Variants in ASTN2 observed in about 807,000 individuals in gnomAD.
ASTN2 encodes the protein astrotactin-2.
In ASTN2, 54 loss-of-function variants were observed where a neutral mutation model predicts 139.8. That is an observed-to-expected ratio of 0.39 (90% CI 0.31 to 0.48). The LOEUF is 0.48. Among genes scored for constraint, ASTN2 ranks in the 20% least tolerant of loss-of-function variants. ASTN2 has a pLI of 0.95. For synonymous variants in ASTN2, 756 were observed against 719.5 expected (o/e 1.05, Z -0.81); for missense variants, 1,565 against 1,725.1 (o/e 0.91, Z 1.64).
chr9:117,400,900 AC>A (rs1343599367), intron 1 of ASTN2, among the ~76,000 whole-genome samples: 1 of 152,100 alleles, frequency 6.6e-6, no homozygotes, highest in African/African-American at 2.4e-5. Flanking sequence ...CCACCATATT[AC>A]ACTGCCTCTG....
intron 11 of ASTN2, among the ~76,000 whole-genome samples, chr9:116,832,844 TTGTC>T (rs1225270420): frequency 6.6e-6 from 1 of 152,110 alleles, no homozygotes; most frequent in African/African-American, 2.4e-5. Flanking sequence ...TGAACTATCT[TTGTC>T]TGCTTTTAGT....
At chr9:116,904,661 T>C (rs575721682) in intron 10 of ASTN2, among the ~76,000 whole-genome samples, 19 of 152,314 alleles carry the variant, frequency 1.2e-4, no homozygotes, top group African/African-American at 4.6e-4. Flanking sequence ...CTTGGCATAG[T>C]TGGAGTGCTA....
intron 19 of ASTN2, among the ~76,000 whole-genome samples, chr9:116,527,378 C>G (rs148490632): frequency 3.5e-4 from 54 of 152,124 alleles, no homozygotes; most frequent in African/African-American, 1.3e-3. Context: ...CCTGAATAGA[C>G]TTTTCTCAAA....
intron 13 of ASTN2, among the ~76,000 whole-genome samples, chr9:116,796,841 TCA>T (rs1830704373): frequency 1.3e-5 from 2 of 152,170 alleles, no homozygotes; most frequent in Non-Finnish European, 2.9e-5. Flanking sequence ...AGACAGGATC[TCA>T]CAGTGTCACC....
At chr9:116,620,221 C>T in intron 18 of ASTN2, 89 bp downstream of exon 18, 2 of 1,585,562 alleles carry the variant, frequency 1.3e-6, no homozygotes, top group Non-Finnish European at 1.7e-6. Context: ...ACCTTGGGAG[C>T]AGAAGCAAGT....
At chr9:116,437,651 C>A (rs1847701153) in intron 22 of ASTN2, 3 of 465,306 alleles carry the variant, frequency 6.4e-6, no homozygotes, top group African/African-American at 4.0e-5. Context: ...CTCCCTGAGC[C>A]CTGTGGGAAA....
At chr9:116,736,373 G>C (rs1450271709) in intron 13 of ASTN2, among the ~76,000 whole-genome samples, 1 of 152,190 alleles carries the variant, frequency 6.6e-6, no homozygotes, top group African/African-American at 2.4e-5. Flanking sequence ...CTGGCATAGA[G>C]TCTTTGTTTG....
intron 1 of ASTN2, among the ~76,000 whole-genome samples, chr9:117,302,965 T>C (rs548176914): frequency 2.6e-5 from 4 of 152,334 alleles, no homozygotes; most frequent in Admixed American, 2.6e-4. Flanking sequence ...GTTCAGACCA[T>C]GTCACCTGCC....
rs540287369 is a variant in ASTN2, at chr9:116,673,388, G to T, written c.2807-21595C>A. Among the ~76,000 whole-genome samples the T allele has an allele frequency of 2.6e-5, 4 of 152,294 alleles. No homozygotes were observed. In the South Asian group the frequency reaches 8.3e-4, roughly 32 times the overall value. On this transcript the variant is annotated intron_variant, in intron 16 of 22. Transcript: ENST00000313400. ...TTTTAAAGACAATGAAAGAAAACTA[G>T]AGATCTTCTTTATAAATGAAGAAAA...
rs1831262471 is a variant in ASTN2 at position 117,414,350 on chromosome 9, T to C, written c.442+147A>G. 1 of 1,321,282 alleles carries C rather than the reference T, an allele frequency of 7.6e-7. No individual in the cohort carries two copies. 81.8% of individuals were successfully genotyped at this position (1,321,282 alleles called of 1,614,324 possible). A position where few individuals can be genotyped will look rare whatever the true frequency, so the allele number is the denominator to read the frequency against. ...CCACATGCTCGTTTCCAACCACCTG[T>C]GCGACCTCTGGGCCCCTCCTCTACC... On this transcript the variant is annotated intron_variant, in intron 1 of 22. Transcript: ENST00000313400. The surrounding 1 kb of genome is among the most constrained non-coding windows in gnomAD (Gnocchi z 4.2).
At chr9:116,724,537 A>G (rs556343292) in intron 16 of ASTN2, among the ~76,000 whole-genome samples, 1 of 152,176 alleles carries the variant, frequency 6.6e-6, no homozygotes, top group Non-Finnish European at 1.5e-5. Flanking sequence ...GGAGGTGTAG[A>G]GCACCCCACT....
chr9:116,540,888 T>C (rs1418933082), intron 19 of ASTN2: 2 of 152,112 alleles, frequency 1.3e-5, no homozygotes, highest in South Asian at 4.1e-4. Flanking sequence ...ACTAAATAAA[T>C]GATTAATAAT....
intron 3 of ASTN2, among the ~76,000 whole-genome samples, chr9:117,208,019 T>A (rs1213613800): frequency 6.6e-6 from 1 of 152,170 alleles, no homozygotes; most frequent in Non-Finnish European, 1.5e-5. Context: ...TCTTTCCTTA[T>A]GAAACCTACT....
intron 20 of ASTN2, among the ~76,000 whole-genome samples, chr9:116,486,753 C>G (rs1849351848): frequency 6.6e-6 from 1 of 152,168 alleles, no homozygotes; most frequent in African/African-American, 2.4e-5. Flanking sequence ...AGCTCCTTTT[C>G]TCTTCCAGGC....
chr9:117,040,022 T>G lies in ASTN2; in HGVS notation c.1277-57A>C, dbSNP rs563068983. ...ATTCCATGAGGTGAGGAAATGGGAT[T>G]GGCATCAAGTTTGGGAATTCTATTA... On this transcript the variant is annotated intron_variant, in intron 5 of 22. Transcript: ENST00000313400. 2.9e-5 allele frequency: 44 copies of G among 1,500,750 alleles called. No individual in the cohort carries two copies. In the South Asian group the frequency reaches 5.9e-4, roughly 20 times the overall value. The allele number at this position is 1,500,750 out of a possible 1,614,324, so 93.0% of individuals were successfully genotyped here.
At position 116,985,393 on chromosome 9, in the gene ASTN2, A is replaced by G. The variant is rs537829106; in HGVS notation, c.1592-8608T>C. On this transcript the variant is annotated intron_variant, in intron 7 of 22. Transcript: ENST00000313400. ...GATAAGAGATTAGATTCCTTAATCA[A>G]CGCTACATGGGGGCTAATTATTGTT... Among the ~76,000 whole-genome samples the G allele has an allele frequency of 5.9e-4, 90 of 152,312 alleles. 1 individual carries two copies. Among genetic ancestry groups the G allele is most frequent in the African/African-American group, 2.0e-3 (84 of 41,582 alleles).
intron 2 of ASTN2, among the ~76,000 whole-genome samples, chr9:117,226,729 G>C (rs1272345875): frequency 6.6e-6 from 1 of 152,230 alleles, no homozygotes; most frequent in Non-Finnish European, 1.5e-5. Flanking sequence ...TGAAAAGTCA[G>C]TGACAGGACA....
intron 2 of ASTN2, among the ~76,000 whole-genome samples, chr9:117,233,534 C>A (rs747232012): frequency 9.3e-4 from 141 of 152,228 alleles, no homozygotes; most frequent in Non-Finnish European, 1.2e-3. Context: ...ACATACACAA[C>A]CTAAACATAC....
intron 19 of ASTN2, among the ~76,000 whole-genome samples, chr9:116,617,295 G>A (rs1462275246): frequency 6.6e-6 from 1 of 152,106 alleles, no homozygotes; most frequent in African/African-American, 2.4e-5. Context: ...AAGACAGGAA[G>A]ACAGAAAAAG....
Sources: allele counts gnomAD v4.1 joint callset (sites outside exome capture counted in the v4.1 genomes callset), GRCh38; gene constraint gnomAD v4.1.1; non-coding constraint Gnocchi (gnomAD v3.1); transcripts MANE v1.5; gene names NCBI Gene and HGNC (gene_info 2026-07-23, HGNC 2026-07-21).